DNAH2: variants seen among roughly 807,000 people sequenced by gnomAD.
DNAH2 encodes dynein axonemal heavy chain 2, also known as axonemal beta dynein heavy chain 2.
In DNAH2, 323 loss-of-function variants were observed where a neutral mutation model predicts 523.5. That is an observed-to-expected ratio of 0.62 (90% CI 0.56 to 0.68). The LOEUF (loss-of-function observed/expected upper bound fraction) is 0.68. DNAH2 is among the 30% of genes least tolerant of loss of function. The pLI is 0.00. For synonymous variants in DNAH2, 2,093 were observed against 2,177.4 expected, an observed-to-expected ratio of 0.96 and a Z score of 1.08; for missense variants, 4,907 against 5,701.5, an observed-to-expected ratio of 0.86 and a Z score of 4.49.
Position 7,787,849 on chromosome 17 carries a change from T to C in DNAH2, c.6604-11T>C. On this transcript the variant is annotated splice_polypyrimidine_tract_variant and intron_variant, in intron 42 of 85. Transcript: ENST00000572933. ...GAGAAAGATGAAGTTCTGACAAACG[T>C]ATATCCTTAGGTGTCTCTCCTGTTT... The C allele has an allele frequency of 6.2e-7, 1 of 1,605,380 alleles. No homozygotes were observed.
chr17:7,804,602 T>C (rs1015421120), intron 59 of DNAH2, 136 bp downstream of exon 59: 1 of 1,039,806 alleles, frequency 9.6e-7, no homozygotes, highest in Non-Finnish European at 1.4e-6. Context: ...TCCCAGCACT[T>C]TGGGAGGCTG....
chr17:7,807,556 G>T lies in DNAH2; in HGVS notation c.9699G>T (p.Ala3233=). 6.2e-7 allele frequency: 1 copy of T among 1,612,480 alleles called. No homozygotes were observed. Residue 3233 remains alanine, a synonymous_variant, in exon 63 of 86, where the codon GCG becomes GCT. Transcript: ENST00000572933. The surrounding 1 kb of genome is among the most constrained non-coding windows in gnomAD (Gnocchi z 5.6). The part of the protein sequence containing the change: ...ALAQLREKQA[A]LAEAQEKLRE... The stretch of plus-strand genomic sequence containing the variant: ...CTCAGCTTCGGGAGAAGCAAGCCGC[G>T]CTCGCTGAGGCCCAGGAGAAGCTGC...
Position 7,776,761 on chromosome 17 carries a change from G to T in DNAH2, c.4948-18G>T. 1 of 1,600,180 alleles carries T rather than the reference G, an allele frequency of 6.2e-7. No individual in the cohort carries two copies. Among genetic ancestry groups the T allele is most frequent in the Non-Finnish European group, 8.6e-7 (1 of 1,168,600 alleles). On this transcript the variant is annotated intron_variant, in intron 31 of 85. Coordinates refer to ENST00000572933, the MANE Select transcript of DNAH2 (RefSeq NM_020877.5). ...GCCAAGGACAGGGCTTTGGGACGTG[G>T]CTTCTGCACATCCCCAGGTGGTGAT...
chr17:7,781,241 G>C, intron 39 of DNAH2, 74 bp downstream of exon 39: 1 of 1,541,782 alleles, frequency 6.5e-7, no homozygotes, highest in Non-Finnish European at 8.9e-7. Context: ...TTGGGAGGCC[G>C]AGGTGGGCAG....
chr17:7,822,061 C>T (rs1330493443), intron 73 of DNAH2, among the ~76,000 whole-genome samples: 1 of 152,210 alleles, frequency 6.6e-6, no homozygotes, highest in Non-Finnish European at 1.5e-5. Flanking sequence ...GCCTCGACCT[C>T]CCAGGCTCAA....
Position 7,832,340 on chromosome 17 carries a change from T to G in DNAH2, c.12727-239T>G, listed in dbSNP as rs1039361650. Among the ~76,000 whole-genome samples, 1 of 151,924 alleles carries G rather than the reference T, an allele frequency of 6.6e-6. No individual in the cohort carries two copies. On this transcript the variant is annotated intron_variant, in intron 82 of 85. Coordinates refer to ENST00000572933, the MANE Select transcript of DNAH2 (RefSeq NM_020877.5). The surrounding 1 kb of genome is among the most constrained non-coding windows in gnomAD (Gnocchi z 4.3). ...CTGGTCAACATGGTGAAACCCCGTC[T>G]CTACTAAAAAAATACAAAAATTAGC...
intron 68 of DNAH2, 83 bp from the exon 69 acceptor site, chr17:7,818,229 G>A (rs562710351): frequency 6.6e-5 from 105 of 1,596,440 alleles, no homozygotes; most frequent in Admixed American, 4.0e-4. Flanking sequence ...AGGCTGAGTC[G>A]CTGCCCCTGG....
chr17:7,739,543 A>T (rs1466923525), intron 8 of DNAH2, among the ~76,000 whole-genome samples, 190 bp from the exon 9 acceptor site: 1 of 151,770 alleles, frequency 6.6e-6, no homozygotes, highest in Non-Finnish European at 1.5e-5. Context: ...TCTGTGGCCA[A>T]AGTTCATCCC....
At position 7,791,903 on chromosome 17, in the gene DNAH2, C is replaced by T. The variant is rs781312536; in HGVS notation, c.6901-14C>T. On this transcript the variant is annotated splice_polypyrimidine_tract_variant and intron_variant, in intron 44 of 85. Transcript: ENST00000572933. ...TTACAGGTGGGTTATTTCCTCTTCT[C>T]GTTCTCCATCCAGGTGAACCCAGCT... The T allele has an allele frequency of 6.2e-6, 10 of 1,610,836 alleles. No individual in the cohort carries two copies. Among genetic ancestry groups the T allele is most frequent in the Non-Finnish European group, 7.6e-6 (9 of 1,178,506 alleles).
chr17:7,767,478 T>C (rs778355818), intron 22 of DNAH2, among the ~76,000 whole-genome samples: 1 of 152,174 alleles, frequency 6.6e-6, no homozygotes, highest in Non-Finnish European at 1.5e-5. Context: ...CTAGATCATA[T>C]GGAAACTCTA....
At position 7,821,456 on chromosome 17, in the gene DNAH2, G is replaced by A. The variant is rs1328136199; in HGVS notation, c.11142+87G>A. 6.7e-7 allele frequency: 1 copy of A among 1,486,120 alleles called. No individual in the cohort carries two copies. The highest frequency in any genetic ancestry group is 9.0e-7 in the Non-Finnish European group (1 of 1,107,940). 92.1% of individuals were successfully genotyped at this position (1,486,120 alleles called of 1,614,324 possible). A position where few individuals can be genotyped will look rare whatever the true frequency, so the allele number is the denominator to read the frequency against. ...GTGACAAGGACTCCAGACCCAGAGG[G>A]TCAGGCCCACAGCATCAGTGAGTGA... On this transcript the variant is annotated intron_variant, in intron 73 of 85. Coordinates refer to ENST00000572933, the MANE Select transcript of DNAH2 (RefSeq NM_020877.5). This position sits in a 1 kb window ranked among gnomAD's most constrained non-coding sequence, Gnocchi z 5.0.
intron 63 of DNAH2, among the ~76,000 whole-genome samples, chr17:7,813,478 T>G (rs1176664650): frequency 6.6e-6 from 1 of 152,102 alleles, no homozygotes; most frequent in Non-Finnish European, 1.5e-5. Flanking sequence ...GTTACATAAA[T>G]CATAGTTCAG....
At chr17:7,721,980 CT>C (rs1408694701) in intron 2 of DNAH2, among the ~76,000 whole-genome samples, 2 of 152,148 alleles carry the variant, frequency 1.3e-5, no homozygotes, top group Non-Finnish European at 2.9e-5. Flanking sequence ...TCCCTCACCC[CT>C]ACCCCAGTTA....
chr17:7,827,686 T>C (rs930493790), intron 77 of DNAH2, among the ~76,000 whole-genome samples: 9 of 152,100 alleles, frequency 5.9e-5, no homozygotes, highest in African/African-American at 2.2e-4. Context: ...CCTCAGGTGA[T>C]CCACCCGCCT....
At chr17:7,721,537 TCTCACCTA>T (rs74266351) in intron 2 of DNAH2, among the ~76,000 whole-genome samples, 47,985 of 151,792 alleles carry the variant, frequency 0.32, 7,842 homozygotes, top group East Asian at 0.47. Context: ...AGTTGGATCA[TCTCACCTA>T]CTCACCTACT....
Position 7,821,286 on chromosome 17 carries a change from A to G in DNAH2, c.11059A>G (p.Ser3687Gly), listed in dbSNP as rs2077846753. 1.9e-6 allele frequency: 3 copies of G among 1,613,784 alleles called. No individual in the cohort carries two copies. Among genetic ancestry groups the G allele is most frequent in the African/African-American group, 1.3e-5 (1 of 74,876 alleles). Residue 3687 changes from serine to glycine, a missense_variant, in exon 73 of 86, where the codon AGT becomes GGT. Physicochemically the swap from Ser to Gly is moderately conservative, Grantham distance 56 (BLOSUM62 0). This residue lies in a region of DNAH2 where 1,851 missense variants were observed against 2,139.4 expected (regional missense o/e 0.87). Coordinates refer to ENST00000572933, the MANE Select transcript of DNAH2 (RefSeq NM_020877.5). This position sits in a 1 kb window ranked among gnomAD's most constrained non-coding sequence, Gnocchi z 5.0. ...TTTCGAACGCCACAAACTACTATTC[A>G]GTTTTCATATGTGTGCCAAAATCTT... ...TLFERHKLLF[S>G]FHMCAKILET... is the part of the protein sequence containing the mutation.
intron 8 of DNAH2, chr17:7,737,833 G>A: frequency 1.6e-6 from 1 of 640,846 alleles, no homozygotes; most frequent in Non-Finnish European, 2.8e-6. Flanking sequence ...GGAGAACCAG[G>A]GGTGGGATGA....
chr17:7,723,785 C>T (rs941757506), intron 3 of DNAH2, 96 bp downstream of exon 3: 1 of 1,060,268 alleles, frequency 9.4e-7, no homozygotes. Context: ...TCTCTCTTGT[C>T]TGCCACTTCT....
chr17:7,786,385 T>C lies in DNAH2; in HGVS notation c.6348+43T>C, dbSNP rs749147684. On this transcript the variant is annotated intron_variant, in intron 40 of 85. Transcript: ENST00000572933. The surrounding 1 kb of genome is among the most constrained non-coding windows in gnomAD (Gnocchi z 7.5). The stretch of plus-strand genomic sequence containing the variant: ...TGGAGTCAGTGGGCAGAGACTTGAG[T>C]AGTAAGAAGACAATGGAGGGTGGGG... 3 of 1,590,532 alleles carry C rather than the reference T, an allele frequency of 1.9e-6. No homozygotes were observed. The highest frequency in any genetic ancestry group is 1.3e-5 in the African/African-American group (1 of 74,462).
Sources: gnomAD v4.1 joint callset for allele counts (sites outside exome capture counted in the v4.1 genomes callset) on GRCh38, gnomAD v4.1.1 for gene constraint, gnomAD v4.1.1 regional missense constraint, Gnocchi (gnomAD v3.1) non-coding constraint, MANE v1.5 for transcripts, NCBI Gene and HGNC (gene_info 2026-07-23, HGNC 2026-07-21) for gene names.